WDR19: variants seen among roughly 807,000 people sequenced by gnomAD.
WDR19 encodes the protein WD repeat-containing protein 19.
WDR19 carries 121 observed loss-of-function variants against 180.0 expected under a neutral mutation model. The observed-to-expected ratio is 0.67, with a 90% CI of 0.58 to 0.78. WDR19 has a LOEUF of 0.78. WDR19 is among the 30% of genes least tolerant of loss of function. The probability of loss-of-function intolerance (pLI) is 0.00; values close to 1 mark genes in which losing one functional copy is unlikely to be tolerated. For synonymous variants in WDR19, 497 were observed against 540.7 expected, an observed-to-expected ratio of 0.92 and a Z score of 1.12; for missense variants, 1,450 against 1,640.7, an observed-to-expected ratio of 0.88 and a Z score of 2.01.
rs375229100 is a variant in WDR19, at chr4:39,283,302, T to TA, written c.*14-2184dup. ...GAGATAAACTCACTTGATCATGATG[T>TA]ATTATCCTATTGCTGGATTATTTTG... On this transcript the variant is annotated intron_variant, in intron 36 of 36. Transcript: ENST00000399820. Among the ~76,000 whole-genome samples, 958 of 152,332 alleles carry TA rather than the reference T, an allele frequency of 6.3e-3. 13 individuals carry two copies. The highest frequency in any genetic ancestry group is 0.022 in the African/African-American group (923 of 41,584).
At chr4:39,201,699 A>G (rs1727391351) in intron 6 of WDR19, among the ~76,000 whole-genome samples, 1 of 152,214 alleles carries the variant, frequency 6.6e-6, no homozygotes, top group Non-Finnish European at 1.5e-5. Context: ...TCTTGTGTCC[A>G]TATCAGACAT....
rs1348710282 is a variant in WDR19, at chr4:39,278,440, A to C, written c.3918-99A>C. ...AATTGCATGGTGGACATGTGTTAAG[A>C]GGTGTAGACAGAAAGTTGTTGTCTT... On this transcript the variant is annotated intron_variant, in intron 35 of 36. Coordinates refer to ENST00000399820, the MANE Select transcript of WDR19 (RefSeq NM_025132.4). The C allele has an allele frequency of 6.6e-6, 6 of 905,788 alleles. No individual in the cohort carries two copies. The South Asian group carries it at 1.1e-4, about 16-fold the overall frequency. 56.1% of individuals were successfully genotyped at this position (905,788 alleles called of 1,614,324 possible).
intron 6 of WDR19, among the ~76,000 whole-genome samples, chr4:39,201,051 G>A (rs540627870): frequency 2.6e-5 from 4 of 152,196 alleles, no homozygotes; most frequent in South Asian, 2.1e-4. Flanking sequence ...TTCAGGGGCC[G>A]GAAGAATATG....
intron 9 of WDR19, 32 bp from the exon 10 acceptor site, chr4:39,214,569 A>G: frequency 6.2e-6 from 8 of 1,280,846 alleles, no homozygotes; most frequent in Non-Finnish European, 7.8e-6. Context: ...AAGATCATAT[A>G]TATTTTTTAA....
intron 6 of WDR19, among the ~76,000 whole-genome samples, chr4:39,200,097 T>C (rs1727214935): frequency 6.6e-6 from 1 of 152,244 alleles, no homozygotes; most frequent in Non-Finnish European, 1.5e-5. Context: ...TGGGAATTTG[T>C]ATCGCCAGTA....
At chr4:39,243,688 A>G (rs1165733876) in intron 21 of WDR19, among the ~76,000 whole-genome samples, 2 of 152,232 alleles carry the variant, frequency 1.3e-5, no homozygotes, top group East Asian at 1.9e-4. Flanking sequence ...CATATCGGAC[A>G]GGGCAGATAC....
At chr4:39,234,514 T>C (rs772811979) in intron 19 of WDR19, among the ~76,000 whole-genome samples, 3 of 152,230 alleles carry the variant, frequency 2.0e-5, no homozygotes, top group Non-Finnish European at 4.4e-5. Context: ...CGACTGAGTT[T>C]TGGAGGGCCA....
intron 28 of WDR19, among the ~76,000 whole-genome samples, chr4:39,259,164 T>C (rs879772055): frequency 2.6e-5 from 4 of 152,354 alleles, no homozygotes; most frequent in African/African-American, 7.2e-5. Flanking sequence ...TCTATCTGTC[T>C]CATTTAGGCT....
At chr4:39,199,083 TTGAGC>T (rs1462393607) in intron 5 of WDR19, among the ~76,000 whole-genome samples, 3 of 152,074 alleles carry the variant, frequency 2.0e-5, no homozygotes, top group African/African-American at 7.2e-5. Flanking sequence ...GGAGGATGGC[TTGAGC>T]CTGGGAAGCA....
chr4:39,197,473 T>A (rs987879943), intron 5 of WDR19, among the ~76,000 whole-genome samples: 1 of 150,840 alleles, frequency 6.6e-6, no homozygotes, highest in East Asian at 1.9e-4. Context: ...AAAGGTTAAG[T>A]AACTTACGCA....
rs17584431 is a variant in WDR19 at position 39,205,698 on chromosome 4, A to G, written c.852A>G (p.Ser284=). 0.15 allele frequency: 244,517 copies of G among 1,608,074 alleles called. 19,782 individuals are homozygous for G. Among genetic ancestry groups the G allele is most frequent in the South Asian group, 0.23 (20,713 of 90,078 alleles). The change falls in exon 9 of 37, where the codon TCA becomes TCG. Residue 284 remains serine, a synonymous_variant. Coordinates refer to ENST00000399820, the MANE Select transcript of WDR19 (RefSeq NM_025132.4). The part of the protein sequence containing the change: ...HKDNLTSIAV[S]QTLNKVATCG... ...ATAATCTAACCAGCATTGCAGTATCACAGACTCTTAACAAAGTTGCTACAT... is the reference window on the plus strand; with the variant it reads ...ATAATCTAACCAGCATTGCAGTATCGCAGACTCTTAACAAAGTTGCTACAT...
intron 20 of WDR19, among the ~76,000 whole-genome samples, chr4:39,239,375 C>G (rs952944577): frequency 6.6e-6 from 1 of 151,984 alleles, no homozygotes; most frequent in Non-Finnish European, 1.5e-5. Context: ...CACTTCTACC[C>G]TTTAATAAAT....
rs943893096 is a variant in WDR19 at position 39,203,700 on chromosome 4, G to A, written c.581G>A (p.Arg194Gln). The change falls in exon 7 of 37, where the codon CGA (arginine) becomes CAA (glutamine). Residue 194 changes from arginine (R) to glutamine (Q), a missense_variant. Arg to Gln is a conservative substitution (Grantham distance 43). Coordinates refer to ENST00000399820, the MANE Select transcript of WDR19 (RefSeq NM_025132.4). Reference protein sequence around the residue: ...MQFFLMKMDDRTSAAESMISV... With the variant: ...MQFFLMKMDDQTSAAESMISV... ...TTTTTCTTGATGAAGATGGATGACC[G>A]AACCTCTGCTGCTGAAAGCATGGTA... is the stretch of plus-strand genomic sequence containing the variant. The A allele has an allele frequency of 7.4e-6, 12 of 1,612,270 alleles. No individual in the cohort carries two copies. The highest frequency in any genetic ancestry group is 1.1e-5 in the South Asian group (1 of 90,526).
chr4:39,233,636 A>G (rs1731105190), intron 19 of WDR19, among the ~76,000 whole-genome samples: 1 of 152,184 alleles, frequency 6.6e-6, no homozygotes, highest in Non-Finnish European at 1.5e-5. Context: ...TTCCTTTTAC[A>G]AATCATTCTA....
chr4:39,232,701 C>CA (rs552621075), intron 19 of WDR19, among the ~76,000 whole-genome samples: 1,447 of 106,270 alleles, frequency 0.014, 19 homozygotes, highest in African/African-American at 0.044. Flanking sequence ...GACTCCGTCT[C>CA]AAAAAAAAAA....
intron 36 of WDR19, among the ~76,000 whole-genome samples, chr4:39,280,599 G>C (rs1193743525): frequency 6.6e-6 from 1 of 151,960 alleles, no homozygotes; most frequent in African/African-American, 2.4e-5. Flanking sequence ...AGGCTGAAGT[G>C]AGCTGTGATC....
At chr4:39,258,796 A>G (rs530505324) in intron 28 of WDR19, among the ~76,000 whole-genome samples, 11 of 152,318 alleles carry the variant, frequency 7.2e-5, no homozygotes, top group Non-Finnish European at 1.2e-4. Flanking sequence ...AATCTTTTAT[A>G]GTTAGTGCTT....
chr4:39,197,441 AAAAAG>A (rs1177695114), intron 5 of WDR19, among the ~76,000 whole-genome samples: 1 of 132,282 alleles, frequency 7.6e-6, no homozygotes, highest in Non-Finnish European at 1.7e-5. Flanking sequence ...AAAAAAAAAA[AAAAAG>A]AAAGAAAAAG....
At chr4:39,259,024 T>C (rs979455710) in intron 28 of WDR19, among the ~76,000 whole-genome samples, 2 of 152,054 alleles carry the variant, frequency 1.3e-5, no homozygotes, top group African/African-American at 4.8e-5. Context: ...GCCGAGACTG[T>C]GCCATTGCAC....
Sources: gnomAD v4.1 joint callset for allele counts (sites outside exome capture counted in the v4.1 genomes callset) on GRCh38, gnomAD v4.1.1 for gene constraint, MANE v1.5 for transcripts, NCBI Gene and HGNC (gene_info 2026-07-23, HGNC 2026-07-21) for gene names.